Variants in RSRC1 observed in about 807,000 individuals in gnomAD.
RSRC1 encodes the protein serine/Arginine-related protein 53.
In RSRC1, 39 loss-of-function variants were observed where a neutral mutation model predicts 49.1. That is an observed-to-expected ratio of 0.79 (90% CI 0.61 to 1.04). The LOEUF is 1.04. Among genes scored for constraint, RSRC1 ranks in the 50% least tolerant of loss-of-function variants. RSRC1 has a pLI of 0.00. For missense variants in RSRC1, 388 were observed against 402.4 expected (o/e 0.96, Z 0.31); for synonymous variants, 143 against 130.8 (o/e 1.09, Z -0.63).
chr3:158,533,813 A>G (rs16829079), intron 7 of RSRC1, among the ~76,000 whole-genome samples: 25,738 of 151,568 alleles, frequency 0.17, 2,395 homozygotes, highest in African/African-American at 0.24. Context: ...AGTACCCATT[A>G]TGACTTTCCT....
At chr3:158,172,991 A>G (rs79975141) in intron 3 of RSRC1, among the ~76,000 whole-genome samples, 5 of 152,068 alleles carry the variant, frequency 3.3e-5, no homozygotes, top group Non-Finnish European at 5.9e-5. Flanking sequence ...TTTTTAAAAG[A>G]TAACCTTGTT....
At chr3:158,525,733 T>G (rs1430270065) in intron 7 of RSRC1, among the ~76,000 whole-genome samples, 2 of 151,974 alleles carry the variant, frequency 1.3e-5, no homozygotes, top group Non-Finnish European at 2.9e-5. Flanking sequence ...TTACCACAGA[T>G]GTACCCAACA....
At chr3:158,225,263 T>TA (rs1245618275) in intron 4 of RSRC1, among the ~76,000 whole-genome samples, 1 of 151,900 alleles carries the variant, frequency 6.6e-6, no homozygotes, top group African/African-American at 2.4e-5. Context: ...TATTTTAAGT[T>TA]ACGTAGTTGT....
At chr3:158,126,648 G>C (rs868687658) in intron 3 of RSRC1, among the ~76,000 whole-genome samples, 1 of 152,018 alleles carries the variant, frequency 6.6e-6, no homozygotes, top group Non-Finnish European at 1.5e-5. Context: ...CTCTGTACTT[G>C]TGTATATATT....
intron 3 of RSRC1, among the ~76,000 whole-genome samples, chr3:158,180,083 T>G (rs933801538): frequency 2.0e-5 from 3 of 152,148 alleles, no homozygotes; most frequent in Non-Finnish European, 4.4e-5. Context: ...GAATAGTTTT[T>G]TTGTTGTTGT....
intron 1 of RSRC1, among the ~76,000 whole-genome samples, chr3:158,121,310 A>G (rs971753498): frequency 1.3e-5 from 2 of 152,086 alleles, no homozygotes; most frequent in African/African-American, 4.8e-5. Flanking sequence ...ATAAATATAT[A>G]TGTTTGTGTG....
chr3:158,467,931 G>A (rs1192744469), intron 7 of RSRC1, among the ~76,000 whole-genome samples: 3 of 152,148 alleles, frequency 2.0e-5, no homozygotes, highest in Admixed American at 1.3e-4. Context: ...ACTATTACCT[G>A]TGAGGAAAAA....
intron 6 of RSRC1, among the ~76,000 whole-genome samples, chr3:158,397,998 C>T (rs555489077): frequency 2.4e-4 from 37 of 152,034 alleles, no homozygotes; most frequent in South Asian, 8.3e-4. Flanking sequence ...GGATGGGATG[C>T]GTACTGCGAC....
In RSRC1 at chr3:158,141,242, C is replaced by G. The variant is rs550962918; in HGVS notation, c.320+17251C>G. Among the ~76,000 whole-genome samples the G allele has an allele frequency of 5.3e-5, 8 of 152,178 alleles. No individual in the cohort carries two copies. The East Asian group carries it at 1.4e-3, about 26-fold the overall frequency. On this transcript the variant is annotated intron_variant, in intron 3 of 9. Transcript: ENST00000611884. ...CTTTATCCAAAGGATGGAGAAAATT[C>G]CAGTTTTTTTGGATCATGGCAGGAA...
intron 6 of RSRC1, among the ~76,000 whole-genome samples, chr3:158,459,206 T>A (rs971982215): frequency 5.9e-5 from 9 of 152,234 alleles, no homozygotes; most frequent in Admixed American, 5.9e-4. Flanking sequence ...CCAGAGCCAT[T>A]TGCAGTTTAA....
intron 8 of RSRC1, among the ~76,000 whole-genome samples, chr3:158,537,833 A>G (rs902788160): frequency 6.6e-6 from 1 of 151,784 alleles, no homozygotes; most frequent in Non-Finnish European, 1.5e-5. Context: ...AAAATATTCT[A>G]CATCCATAAA....
chr3:158,544,817 T>A lies in RSRC1; in HGVS notation c.*542T>A, dbSNP rs2108511683. ...AATTTTTGAAACTTAAATAAATTGG[T>A]GATTTTGCTTAGAGATCAGCTTCTA... is the stretch of plus-strand genomic sequence containing the variant. On this transcript the variant is annotated 3_prime_UTR_variant, in exon 10 of 10. Coordinates refer to ENST00000611884, the MANE Select transcript of RSRC1 (RefSeq NM_001271838.2). 6.6e-6 allele frequency: 1 copy of A among 152,408 alleles called. No individual in the cohort carries two copies. Among genetic ancestry groups the A allele is most frequent in the East Asian group, 1.9e-4 (1 of 5,194 alleles). The allele number at this position is 152,408 out of a possible 1,614,324, so 9.4% of individuals were successfully genotyped here.
intron 6 of RSRC1, among the ~76,000 whole-genome samples, chr3:158,420,095 C>T (rs9845388): frequency 0.38 from 57,925 of 151,806 alleles, 11,658 homozygotes; most frequent in African/African-American, 0.51. Flanking sequence ...TGAAGACTAC[C>T]TGCGTTGCTT....
chr3:158,118,468 T>TGTGTGTGTGC (rs1715023719), intron 1 of RSRC1, among the ~76,000 whole-genome samples: 2 of 143,580 alleles, frequency 1.4e-5, no homozygotes, highest in East Asian at 2.1e-4. Flanking sequence ...TGTGTGCGCG[T>TGTGTGTGTGC]GCGCGTGGTT....
At chr3:158,316,818 T>C (rs1485067882) in intron 5 of RSRC1, among the ~76,000 whole-genome samples, 2 of 152,200 alleles carry the variant, frequency 1.3e-5, no homozygotes, top group Non-Finnish European at 2.9e-5. Context: ...CATTGACATA[T>C]AAGCCCAGTT....
chr3:158,145,557 A>T (rs1005184992), intron 3 of RSRC1, among the ~76,000 whole-genome samples: 2 of 152,164 alleles, frequency 1.3e-5, no homozygotes, highest in Admixed American at 1.3e-4. Context: ...GTTTGAAGTC[A>T]GGTAGCATGA....
chr3:158,386,323 A>G (rs1036740742), intron 6 of RSRC1, among the ~76,000 whole-genome samples: 4 of 152,112 alleles, frequency 2.6e-5, no homozygotes, highest in South Asian at 2.1e-4. Context: ...GTATGAATTT[A>G]TAACACTTGA....
At chr3:158,345,068 A>T (rs181333152) in intron 5 of RSRC1, among the ~76,000 whole-genome samples, 152 of 152,198 alleles carry the variant, frequency 1.0e-3, no homozygotes, top group African/African-American at 3.4e-3. Flanking sequence ...AAAAATAAAA[A>T]AAAAAAAAAT....
chr3:158,525,516 T>C (rs1711958742), intron 7 of RSRC1, among the ~76,000 whole-genome samples: 3 of 152,090 alleles, frequency 2.0e-5, no homozygotes, highest in South Asian at 4.1e-4. Context: ...GTTAAACATA[T>C]GTCTACCATA....
Sources: allele counts gnomAD v4.1 joint callset (sites outside exome capture counted in the v4.1 genomes callset), GRCh38; gene constraint gnomAD v4.1.1; transcripts MANE v1.5; gene names NCBI Gene and HGNC (gene_info 2026-07-23, HGNC 2026-07-21).